ANKRD26: variants seen among roughly 807,000 people sequenced by gnomAD.
ANKRD26 encodes the protein ankyrin repeat domain 26.
ANKRD26 carries 141 observed loss-of-function variants against 208.7 expected under a neutral mutation model. That is an observed-to-expected ratio of 0.68 (90% confidence interval 0.59 to 0.78). ANKRD26 has a LOEUF of 0.78. ANKRD26 is among the 30% of genes least tolerant of loss of function. ANKRD26 has a pLI of 0.00. For missense variants in ANKRD26, 1,889 were observed against 1,938.7 expected, an observed-to-expected ratio of 0.97 and a Z score of 0.48; for synonymous variants, 636 against 660.4, an observed-to-expected ratio of 0.96 and a Z score of 0.57.
At chr10:27,051,844 C>T in intron 16 of ANKRD26, 1 of 985,332 alleles carries the variant, frequency 1.0e-6, no homozygotes, top group East Asian at 1.1e-4. Context: ...AGTGACTCTT[C>T]CCCAGGAGAA....
chr10:27,077,323 TAAA>T lies in ANKRD26; in HGVS notation c.1077+12_1077+14del. ...GGAAGGGTACATGAAAAAAGTTTTTTAAAAAACAACTTACCTTCATAAGACCAG... is the reference window on the plus strand; with the variant it reads ...GGAAGGGTACATGAAAAAAGTTTTTTAAACAACTTACCTTCATAAGACCAG... On this transcript the variant is annotated intron_variant, in intron 9 of 33. Transcript: ENST00000376087. 1.2e-6 allele frequency: 2 copies of T among 1,607,610 alleles called. No homozygotes were observed. Among genetic ancestry groups the T allele is most frequent in the African/African-American group, 2.7e-5 (2 of 74,890 alleles).
rs756354589 is a variant in ANKRD26, at chr10:27,013,040, T to TAGGTAGAGA, written c.4794_4795insTCTCTACCT (p.Phe1598_Thr1599insSerLeuPro). ...ATGACTGGCCTGGTAGTGAGAGTGGTGAACAAAGATCTGCTCTGCTGTTTT... is the reference window on the plus strand; with the variant it reads ...ATGACTGGCCTGGTAGTGAGAGTGGTAGGTAGAGAGAACAAAGATCTGCTCTGCTGTTTT... On this transcript the variant is annotated inframe_insertion, in exon 32 of 34. Coordinates refer to ENST00000376087, the MANE Select transcript of ANKRD26 (RefSeq NM_014915.3). 6.2e-7 allele frequency: 1 copy of TAGGTAGAGA among 1,614,060 alleles called. No homozygotes were observed. Among genetic ancestry groups the TAGGTAGAGA allele is most frequent in the Non-Finnish European group, 8.5e-7 (1 of 1,179,968 alleles).
In ANKRD26 at chr10:27,100,154, T is replaced by C. The variant is rs768480083; in HGVS notation, c.173A>G (p.Asn58Ser). The C allele has an allele frequency of 8.1e-6, 13 of 1,614,024 alleles. No individual in the cohort carries two copies. The Admixed American group carries it at 8.3e-5, about 10-fold the overall frequency. ...AAGGATCTGCTGCACTTTCGCCACA[T>C]TACCCGCGCTGGCAGCTTTGTGGAT... ...GKIHKAASAGNVAKVQQILLL... is the reference protein window; with the variant it reads ...GKIHKAASAGSVAKVQQILLL... The change falls in exon 1 of 34, where the codon AAT becomes AGT. Residue 58 changes from asparagine (N) to serine (S), a missense_variant. Asn to Ser is a conservative substitution (Grantham distance 46). Transcript: ENST00000376087.
rs1173259773 is a variant in ANKRD26, at chr10:27,014,627, T to G, written c.4591A>C (p.Lys1531Gln). ...SMKSQMELRI[K>Q]DLESELSKIK... ...TTGGAGAGTTCAGATTCCAGATCTT[T>G]AATTCTGAGTTCCATCTGACTTTTC... Residue 1531 changes from lysine to glutamine, a missense_variant, in exon 31 of 34, where the codon AAA (lysine) becomes CAA (glutamine). Lys to Gln is a moderately conservative substitution (Grantham distance 53, BLOSUM62 1). This residue lies in a region of ANKRD26 where 613 missense variants were observed against 648.2 expected (regional missense o/e 0.95). Transcript: ENST00000376087. 2.5e-6 allele frequency: 4 copies of G among 1,613,188 alleles called. No individual in the cohort carries two copies. Among genetic ancestry groups the G allele is most frequent in the Non-Finnish European group, 3.4e-6 (4 of 1,179,690 alleles).
intron 3 of ANKRD26, among the ~76,000 whole-genome samples, chr10:26,983,413 C>A (rs1484963478): frequency 6.6e-6 from 1 of 152,102 alleles, no homozygotes; most frequent in Non-Finnish European, 1.5e-5. Context: ...TGCTACATAG[C>A]CAGTATGTCC....
At chr10:27,065,663 C>T (rs1401332502) in intron 11 of ANKRD26, among the ~76,000 whole-genome samples, 1 of 149,202 alleles carries the variant, frequency 6.7e-6, no homozygotes, top group Non-Finnish European at 1.5e-5. Flanking sequence ...CCCTGCAGAT[C>T]TATACAAATA....
At position 27,044,196 on chromosome 10, in the gene ANKRD26, A is replaced by T. The variant is rs779661722; in HGVS notation, c.1986-6T>A. ...TAGATGTTTTCTTAGTAGGCCTAAA[A>T]AAAAAAAATACCTTTCAGGCAAATA... is the stretch of plus-strand genomic sequence containing the variant. On this transcript the variant is annotated splice_region_variant and splice_polypyrimidine_tract_variant and intron_variant, in intron 18 of 33. Coordinates refer to ENST00000376087, the MANE Select transcript of ANKRD26 (RefSeq NM_014915.3). 7.0e-7 allele frequency: 1 copy of T among 1,437,066 alleles called. No individual in the cohort carries two copies. Among genetic ancestry groups the T allele is most frequent in the South Asian group, 1.2e-5 (1 of 82,468 alleles). 89.0% of individuals were successfully genotyped at this position (1,437,066 alleles called of 1,614,324 possible).
At chr10:27,079,035 TA>T in intron 7 of ANKRD26, 53 bp downstream of exon 7, 1 of 1,475,072 alleles carries the variant, frequency 6.8e-7, no homozygotes, top group Non-Finnish European at 9.5e-7. Context: ...AAGAGAATAC[TA>T]TACGAAACTA....
chr10:26,949,346 CTA>C, the ANKRD26 span, among the ~76,000 whole-genome samples: 736 of 152,104 alleles, frequency 4.8e-3, 7 homozygotes, highest in African/African-American at 0.017. Context: ...GTTTGCATCT[CTA>C]AATATTAATG....
chr10:27,079,426 A>T (rs1404408358), intron 6 of ANKRD26, among the ~76,000 whole-genome samples: 1 of 152,258 alleles, frequency 6.6e-6, no homozygotes, highest in Non-Finnish European at 1.5e-5. Context: ...TCTATAACTA[A>T]TAGTGACAGC....
intron 9 of ANKRD26, among the ~76,000 whole-genome samples, chr10:27,075,482 G>C (rs1365899893): frequency 6.6e-6 from 1 of 152,120 alleles, no homozygotes; most frequent in African/African-American, 2.4e-5. Flanking sequence ...AGCAACAACA[G>C]TAAAAGTAGA....
At chr10:26,988,479 G>A (rs7911508), downstream of ANKRD26, among the ~76,000 whole-genome samples, 74,376 of 151,978 alleles carry the variant, frequency 0.49, 20,398 homozygotes, top group Non-Finnish European at 0.62. Flanking sequence ...GGGAAAAATT[G>A]AGTCCTCTAA....
At chr10:27,057,942 A>C (rs1393333490) in intron 15 of ANKRD26, among the ~76,000 whole-genome samples, 1 of 151,920 alleles carries the variant, frequency 6.6e-6, no homozygotes, top group East Asian at 1.9e-4. Context: ...TCTCAAAAAA[A>C]AAAAAAAAGA....
chr10:26,988,477 T>C (rs990232928), downstream of ANKRD26, among the ~76,000 whole-genome samples: 1 of 152,072 alleles, frequency 6.6e-6, no homozygotes, highest in African/African-American at 2.4e-5. Flanking sequence ...CAGGGAAAAA[T>C]TGAGTCCTCT....
intron 3 of ANKRD26, among the ~76,000 whole-genome samples, chr10:26,983,056 G>A (rs565412698): frequency 1.3e-5 from 2 of 152,226 alleles, no homozygotes; most frequent in East Asian, 1.9e-4. Flanking sequence ...GTTCCACCTT[G>A]GGCTGCAGTG....
In ANKRD26 at chr10:27,061,149, T is replaced by C; in HGVS notation, c.1457A>G (p.His486Arg). 1.9e-6 allele frequency: 3 copies of C among 1,605,766 alleles called. No homozygotes were observed. Among genetic ancestry groups the C allele is most frequent in the Non-Finnish European group, 2.6e-6 (3 of 1,172,672 alleles). Residue 486 changes from histidine to arginine, a missense_variant, in exon 13 of 34, where the codon CAC becomes CGC. Coordinates refer to ENST00000376087, the MANE Select transcript of ANKRD26 (RefSeq NM_014915.3). Reference protein sequence around the residue: ...DTRNVGMPVAHMESPERYLHL... With the variant: ...DTRNVGMPVARMESPERYLHL... ...TACGCATTTTTTTTCCATACCCATG[T>C]GGGCTACTGGCATGCCTACATTTCT...
In ANKRD26 at chr10:27,100,148, G is replaced by A. The variant is rs375207762; in HGVS notation, c.179C>T (p.Ala60Val). The A allele has an allele frequency of 5.6e-6, 9 of 1,613,962 alleles. No homozygotes were observed. The highest frequency in any genetic ancestry group is 6.8e-6 in the Non-Finnish European group (8 of 1,179,990). Reference sequence around the variant, plus strand: ...GAGCAAAAGGATCTGCTGCACTTTCGCCACATTACCCGCGCTGGCAGCTTT... The same window carrying A: ...GAGCAAAAGGATCTGCTGCACTTTCACCACATTACCCGCGCTGGCAGCTTT... ...IHKAASAGNV[A>V]KVQQILLLRK... The change falls in exon 1 of 34, where the codon GCG (alanine) becomes GTG (valine). Residue 60 changes from alanine (A) to valine (V), a missense_variant. Ala to Val is a moderately conservative substitution (Grantham distance 64, BLOSUM62 0). Around this residue, in one of 3 missense-constraint regions of ANKRD26, gnomAD observed 1,272 missense variants for 1,273.8 expected, o/e 1.00. Coordinates refer to ENST00000376087, the MANE Select transcript of ANKRD26 (RefSeq NM_014915.3).
At chr10:27,061,878 T>G in intron 12 of ANKRD26, 1 of 936,968 alleles carries the variant, frequency 1.1e-6, no homozygotes, top group Non-Finnish European at 1.3e-6. Flanking sequence ...AACATATATC[T>G]TTGATGTCTG....
At chr10:27,048,348 A>G (rs1388812765) in intron 17 of ANKRD26, among the ~76,000 whole-genome samples, 1 of 152,150 alleles carries the variant, frequency 6.6e-6, no homozygotes, top group Non-Finnish European at 1.5e-5. Flanking sequence ...TGTTATACAT[A>G]TATTATACAT....
Sources: allele counts gnomAD v4.1 joint callset (sites outside exome capture counted in the v4.1 genomes callset), GRCh38; gene constraint gnomAD v4.1.1; regional missense constraint gnomAD v4.1.1; transcripts MANE v1.5; gene names NCBI Gene and HGNC (gene_info 2026-07-23, HGNC 2026-07-21).